The following PRKG1 variants were observed in gnomAD, a reference collection of about 807,000 sequenced individuals.
The protein encoded by PRKG1 is protein kinase cGMP-dependent 1.
In PRKG1, 35 loss-of-function variants were observed where a neutral mutation model predicts 88.1. The ratio of observed to expected loss-of-function variants is 0.40; its 90% CI spans 0.30 to 0.53. The LOEUF is 0.53. PRKG1 is among the 20% of genes least tolerant of loss of function. The pLI, the probability that PRKG1 is intolerant of heterozygous loss-of-function variation, is 0.59. For synonymous variants in PRKG1, 303 were observed against 292.5 expected, an observed-to-expected ratio of 1.04 and a Z score of -0.37; for missense variants, 540 against 839.8, an observed-to-expected ratio of 0.64 and a Z score of 4.41.
chr10:51,343,001 TA>T (rs1431479075), intron 2 of PRKG1, among the ~76,000 whole-genome samples: 5 of 151,976 alleles, frequency 3.3e-5, no homozygotes, highest in Non-Finnish European at 5.9e-5. Flanking sequence ...AATTCAGGGG[TA>T]GGGGTTAAGG....
At chr10:51,654,526 A>G (rs1444931176) in intron 3 of PRKG1, among the ~76,000 whole-genome samples, 1 of 151,922 alleles carries the variant, frequency 6.6e-6, no homozygotes, top group Non-Finnish European at 1.5e-5. Context: ...ATGGTTTTTT[A>G]TTAGTTTTGA....
intron 3 of PRKG1, among the ~76,000 whole-genome samples, chr10:51,616,101 C>G (rs996563690): frequency 6.6e-6 from 1 of 152,154 alleles, no homozygotes. Context: ...TTATTATTTC[C>G]TCAGTGACTT....
At chr10:51,152,722 A>G (rs1419692593) in intron 1 of PRKG1, among the ~76,000 whole-genome samples, 1 of 152,078 alleles carries the variant, frequency 6.6e-6, no homozygotes, top group Non-Finnish European at 1.5e-5. Flanking sequence ...TGTGTATAGT[A>G]CAATACATCC....
At chr10:51,553,852 C>T (rs989663572) in intron 3 of PRKG1, among the ~76,000 whole-genome samples, 9 of 97,702 alleles carry the variant, frequency 9.2e-5, no homozygotes, top group East Asian at 5.9e-4. Flanking sequence ...GTATTAGATA[C>T]GTGTATATAA....
At chr10:51,685,121 G>A (rs1417788192) in intron 3 of PRKG1, among the ~76,000 whole-genome samples, 1 of 152,094 alleles carries the variant, frequency 6.6e-6, no homozygotes, top group East Asian at 1.9e-4. Context: ...TGAAAATGAT[G>A]CCTAATATTT....
chr10:51,546,405 A>G (rs1046694268), intron 3 of PRKG1, among the ~76,000 whole-genome samples: 3 of 152,122 alleles, frequency 2.0e-5, no homozygotes, highest in Admixed American at 6.6e-5. Context: ...AATTTGTATT[A>G]ATTCTTACCA....
chr10:51,505,375 A>G (rs1315176643), intron 3 of PRKG1, among the ~76,000 whole-genome samples: 35 of 151,930 alleles, frequency 2.3e-4, no homozygotes, highest in Non-Finnish European at 4.3e-4. Context: ...TGGTTTGCCA[A>G]TATTTTATTG....
rs576507744 is a variant in PRKG1 at position 51,990,096 on chromosome 10, C to A, written c.763-64388C>A. On this transcript the variant is annotated intron_variant, in intron 5 of 17. Transcript: ENST00000373980. ...TATTGAAGAGACTGCCCTTTCCTCA[C>A]TGTACATTCTTGGCACCTTTGTCAA... is the stretch of plus-strand genomic sequence containing the variant. Among the ~76,000 whole-genome samples, 55 of 152,200 alleles carry A rather than the reference C, an allele frequency of 3.6e-4. 1 individual carries two copies. The Middle Eastern group carries it at 0.017, about 47-fold the overall frequency.
At chr10:51,800,324 A>G (rs1839134464) in intron 3 of PRKG1, among the ~76,000 whole-genome samples, 1 of 152,076 alleles carries the variant, frequency 6.6e-6, no homozygotes, top group Non-Finnish European at 1.5e-5. Flanking sequence ...CTGGACTTGC[A>G]ATGGGGTTAT....
chr10:51,786,335 T>C (rs770231612), intron 3 of PRKG1, among the ~76,000 whole-genome samples: 27 of 152,244 alleles, frequency 1.8e-4, no homozygotes, highest in Non-Finnish European at 3.5e-4. Context: ...ATAAAGAGTA[T>C]CTTGATTTTG....
chr10:51,221,334 T>C (rs1589255580), intron 2 of PRKG1, among the ~76,000 whole-genome samples: 2 of 152,016 alleles, frequency 1.3e-5, no homozygotes, highest in East Asian at 3.8e-4. Context: ...CTAAAGGGAG[T>C]TTAAATTATC....
At chr10:51,481,465 T>C (rs1181839751) in intron 3 of PRKG1, among the ~76,000 whole-genome samples, 1 of 152,126 alleles carries the variant, frequency 6.6e-6, no homozygotes, top group Non-Finnish European at 1.5e-5. Context: ...GCCAGGCTAA[T>C]CTCTAACCCA....
At chr10:52,234,922 C>T (rs911264056) in intron 9 of PRKG1, among the ~76,000 whole-genome samples, 3 of 118,102 alleles carry the variant, frequency 2.5e-5, no homozygotes, top group East Asian at 4.6e-4. Context: ...AGAGAAAGGT[C>T]GGGTTACCCT....
chr10:51,481,685 T>C (rs556558174), intron 3 of PRKG1, among the ~76,000 whole-genome samples: 2 of 152,336 alleles, frequency 1.3e-5, no homozygotes, highest in South Asian at 4.1e-4. Context: ...CTTTTATTTC[T>C]CTTGTGAGAA....
At chr10:51,676,433 C>T (rs921365007) in intron 3 of PRKG1, among the ~76,000 whole-genome samples, 2 of 146,192 alleles carry the variant, frequency 1.4e-5, no homozygotes, top group African/African-American at 2.6e-5. Context: ...TTATATATTA[C>T]TCAGAGTTTC....
intron 2 of PRKG1, among the ~76,000 whole-genome samples, chr10:51,378,559 T>C (rs1220953023): frequency 2.0e-5 from 3 of 152,206 alleles, no homozygotes; most frequent in Non-Finnish European, 2.9e-5. Context: ...ATTGTACATT[T>C]ACATAAAACC....
At chr10:52,104,906 C>T (rs1223149133) in intron 7 of PRKG1, among the ~76,000 whole-genome samples, 1 of 152,082 alleles carries the variant, frequency 6.6e-6, no homozygotes, top group Non-Finnish European at 1.5e-5. Flanking sequence ...GTAATATTTT[C>T]CTTTACTTTC....
intron 4 of PRKG1, among the ~76,000 whole-genome samples, chr10:51,846,775 T>G (rs1840409447): frequency 6.6e-6 from 1 of 152,134 alleles, no homozygotes; most frequent in Non-Finnish European, 1.5e-5. Flanking sequence ...AGGATACAAG[T>G]TTAAACTGAA....
intron 5 of PRKG1, among the ~76,000 whole-genome samples, chr10:52,012,443 C>T (rs939424672): frequency 9.2e-5 from 14 of 152,064 alleles, no homozygotes; most frequent in Non-Finnish European, 1.3e-4. Context: ...AGGGTTTCAC[C>T]GTGTTAGCCA....
Sources: allele counts gnomAD v4.1 joint callset (sites outside exome capture counted in the v4.1 genomes callset), GRCh38; gene constraint gnomAD v4.1.1; transcripts MANE v1.5; gene names NCBI Gene and HGNC (gene_info 2026-07-23, HGNC 2026-07-21).